The following ARHGAP10 variants were observed in gnomAD, a reference collection of about 807,000 sequenced individuals.
ARHGAP10 encodes Rho GTPase activating protein 10, also known as rho GTPase-activating protein 10.
ARHGAP10 carries 87 observed loss-of-function variants against 108.6 expected under a neutral mutation model. That is an observed-to-expected ratio of 0.80 (90% CI 0.67 to 0.96). The LOEUF is 0.96. ARHGAP10 is among the 40% of genes least tolerant of loss of function. ARHGAP10 has a pLI of 0.00. For missense variants in ARHGAP10, 939 were observed against 954.5 expected, an observed-to-expected ratio of 0.98 and a Z score of 0.21; for synonymous variants, 347 against 341.1, an observed-to-expected ratio of 1.02 and a Z score of -0.19.
intron 19 of ARHGAP10, among the ~76,000 whole-genome samples, chr4:148,027,382 G>A (rs951953709): frequency 7.9e-5 from 12 of 152,156 alleles, no homozygotes; most frequent in African/African-American, 2.9e-4. Context: ...TCTTACTTGG[G>A]TATCGTCGGG....
chr4:147,982,536 C>CCAGCTAAA (rs1216204673), intron 18 of ARHGAP10, among the ~76,000 whole-genome samples: 2 of 147,072 alleles, frequency 1.4e-5, no homozygotes, highest in East Asian at 3.9e-4. Context: ...GCCATCACAC[C>CCAGCTAAA]CAGCTAAATC....
intron 3 of ARHGAP10, among the ~76,000 whole-genome samples, chr4:147,844,123 C>G (rs981816563): frequency 6.6e-6 from 1 of 152,198 alleles, no homozygotes; most frequent in African/African-American, 2.4e-5. Context: ...GTGCTCCCAG[C>G]TGCTTTCCCT....
intron 8 of ARHGAP10, among the ~76,000 whole-genome samples, 171 bp from the exon 9 acceptor site, chr4:147,879,061 T>C (rs902539529): frequency 1.3e-5 from 2 of 152,206 alleles, no homozygotes; most frequent in Non-Finnish European, 2.9e-5. Context: ...TGAGCCACCG[T>C]GCCCGGCCTC....
At chr4:148,010,713 G>A (rs777522431) in intron 18 of ARHGAP10, among the ~76,000 whole-genome samples, 12 of 152,080 alleles carry the variant, frequency 7.9e-5, no homozygotes, top group East Asian at 1.9e-4. Flanking sequence ...ATTGTGGCCC[G>A]TAGTCCAACA....
chr4:147,784,577 AAT>A (rs1730733106), intron 1 of ARHGAP10, among the ~76,000 whole-genome samples: 3 of 114,414 alleles, frequency 2.6e-5, no homozygotes, highest in Non-Finnish European at 4.8e-5. Context: ...CAATTTATAA[AAT>A]ATATATTATA....
At chr4:148,053,861 T>C (rs184819330) in intron 20 of ARHGAP10, among the ~76,000 whole-genome samples, 1 of 152,332 alleles carries the variant, frequency 6.6e-6, no homozygotes, top group Non-Finnish European at 1.5e-5. Flanking sequence ...AATTCGTGCC[T>C]TCCTTTGCTG....
intron 13 of ARHGAP10, among the ~76,000 whole-genome samples, chr4:147,920,297 A>G (rs13434950): frequency 2.4e-4 from 29 of 119,468 alleles, no homozygotes; most frequent in East Asian, 1.1e-3. Context: ...GGTGCCTGTA[A>G]TCCCAGCTGC....
intron 3 of ARHGAP10, among the ~76,000 whole-genome samples, chr4:147,843,404 TG>T (rs1733496499): frequency 6.6e-6 from 1 of 152,208 alleles, no homozygotes. Flanking sequence ...TGGTCTCACC[TG>T]TCAGTCATAA....
rs1263255362 is a variant in ARHGAP10, at chr4:147,966,672, A to T, written c.1557-8A>T. On this transcript the variant is annotated splice_polypyrimidine_tract_variant and splice_region_variant and intron_variant, in intron 17 of 22. Coordinates refer to ENST00000336498, the MANE Select transcript of ARHGAP10 (RefSeq NM_024605.4). ...TTAAACAGATTCCTCCCCCCTTACC[A>T]ATTTCAGTGTTTCAAATCACTCCAA... The T allele has an allele frequency of 6.4e-7, 1 of 1,552,308 alleles. No individual in the cohort carries two copies. Among genetic ancestry groups the T allele is most frequent in the South Asian group, 1.2e-5 (1 of 80,822 alleles).
At chr4:147,967,260 G>A (rs1199225367) in intron 18 of ARHGAP10, among the ~76,000 whole-genome samples, 1 of 152,226 alleles carries the variant, frequency 6.6e-6, no homozygotes, top group Non-Finnish European at 1.5e-5. Context: ...ATGTGAGATG[G>A]GGCCAGAGGA....
chr4:147,874,032 AAAAC>A (rs1411117793), intron 7 of ARHGAP10, among the ~76,000 whole-genome samples: 1 of 151,976 alleles, frequency 6.6e-6, no homozygotes, highest in African/African-American at 2.4e-5. Context: ...TGTTTAAAAA[AAAAC>A]AACAAACCTC....
intron 3 of ARHGAP10, among the ~76,000 whole-genome samples, chr4:147,839,142 A>G (rs10461236): frequency 0.48 from 55,935 of 117,140 alleles, 14,990 homozygotes; most frequent in Middle Eastern, 0.61. Context: ...CTATCTATCT[A>G]TCTGTCTGTC....
intron 10 of ARHGAP10, among the ~76,000 whole-genome samples, chr4:147,884,445 T>G (rs960569094): frequency 1.3e-5 from 2 of 152,202 alleles, no homozygotes; most frequent in Admixed American, 6.5e-5. Context: ...CATGTTAATG[T>G]GTATATAAAG....
At chr4:147,908,013 T>C (rs1736572447) in intron 11 of ARHGAP10, among the ~76,000 whole-genome samples, 1 of 152,148 alleles carries the variant, frequency 6.6e-6, no homozygotes, top group African/African-American at 2.4e-5. Context: ...CAGCTAATTT[T>C]TGTAATTTTT....
chr4:147,920,364 C>T lies in ARHGAP10; in HGVS notation c.1228+7225C>T, dbSNP rs113059244. ...CCCGGGAGGTGGAGCTTGCAATGAG[C>T]GGATTGCGCCACTGCACTCCAGCCT... On this transcript the variant is annotated intron_variant, in intron 13 of 22. Coordinates refer to ENST00000336498, the MANE Select transcript of ARHGAP10 (RefSeq NM_024605.4). Among the ~76,000 whole-genome samples, 372 of 131,900 alleles carry T rather than the reference C, an allele frequency of 2.8e-3. 2 individuals are homozygous for T. The highest frequency in any genetic ancestry group is 0.013 in the African/African-American group (355 of 27,332). 86.5% of individuals were successfully genotyped at this position (131,900 alleles called of 152,430 possible).
rs541270516 is a variant in ARHGAP10, at chr4:148,048,194, T to A, written c.2027+1143T>A. ...AAATAAATTATAGATAATGGTGTCA[T>A]CTGACCCTAGCTGGGCATTCTGGGG... On this transcript the variant is annotated intron_variant, in intron 20 of 22. Transcript: ENST00000336498. 3.3e-5 allele frequency among the ~76,000 whole-genome samples: 5 copies of A among 152,374 alleles called. No homozygotes were observed. The South Asian group carries it at 1.0e-3, about 32-fold the overall frequency.
chr4:147,913,230 A>G (rs774866496), intron 13 of ARHGAP10, 91 bp downstream of exon 13: 11 of 1,145,434 alleles, frequency 9.6e-6, no homozygotes, highest in Admixed American at 1.8e-5. Flanking sequence ...TAAGTGTTAC[A>G]GAATGAAACG....
intron 13 of ARHGAP10, among the ~76,000 whole-genome samples, chr4:147,915,688 A>G (rs757482446): frequency 4.6e-5 from 7 of 152,238 alleles, no homozygotes; most frequent in Non-Finnish European, 7.3e-5. Flanking sequence ...GACAAAAAGC[A>G]TATATTTTTC....
intron 15 of ARHGAP10, among the ~76,000 whole-genome samples, chr4:147,949,809 T>A (rs1398093240): frequency 6.6e-6 from 1 of 150,532 alleles, no homozygotes; most frequent in Non-Finnish European, 1.5e-5. Context: ...AAACTAAGGG[T>A]GGAAATCCAC....
Sources: gnomAD v4.1 joint callset for allele counts (sites outside exome capture counted in the v4.1 genomes callset) on GRCh38, gnomAD v4.1.1 for gene constraint, MANE v1.5 for transcripts, NCBI Gene and HGNC (gene_info 2026-07-23, HGNC 2026-07-21) for gene names.